Variants in TBXAS1 observed in about 807,000 individuals in gnomAD.
TBXAS1 encodes the protein thromboxane-A synthase.
In TBXAS1, 48 loss-of-function variants were observed where a neutral mutation model predicts 60.7. That is an observed-to-expected ratio of 0.79 (90% CI 0.63 to 1.01). The LOEUF (loss-of-function observed/expected upper bound fraction) is 1.01. Ranked by LOEUF, TBXAS1 falls within the 50% of genes least tolerant of loss-of-function variation. The probability of loss-of-function intolerance (pLI) is 0.00; values close to 1 mark genes in which losing one functional copy is unlikely to be tolerated. For missense variants in TBXAS1, 685 were observed against 686.3 expected (o/e 1.00, Z 0.02); for synonymous variants, 287 against 269.7 (o/e 1.06, Z -0.63).
chr7:139,996,544 C>A (rs1437710009), intron 9 of TBXAS1, among the ~76,000 whole-genome samples: 1 of 152,368 alleles, frequency 6.6e-6, no homozygotes, highest in East Asian at 1.9e-4. Context: ...AGCTGATCTC[C>A]TTCCCCTGGA....
At chr7:139,873,822 C>T (rs1802010468) in intron 2 of TBXAS1, among the ~76,000 whole-genome samples, 1 of 152,110 alleles carries the variant, frequency 6.6e-6, no homozygotes, top group African/African-American at 2.4e-5. Flanking sequence ...ACACTGACTC[C>T]AGACCCAACG....
chr7:139,966,331 A>T (rs1810783943), intron 9 of TBXAS1, among the ~76,000 whole-genome samples: 2 of 152,044 alleles, frequency 1.3e-5, no homozygotes, highest in South Asian at 4.1e-4. Flanking sequence ...ATCAGTTCAG[A>T]CTCTTCTGTG....
chr7:139,853,287 C>A (rs1293043025), intron 1 of TBXAS1, among the ~76,000 whole-genome samples: 1 of 152,164 alleles, frequency 6.6e-6, no homozygotes, highest in Non-Finnish European at 1.5e-5. Flanking sequence ...CTTTTCGCAT[C>A]CCCCGTCTTA....
intron 4 of TBXAS1, among the ~76,000 whole-genome samples, chr7:139,803,984 T>G (rs1585529093): frequency 6.6e-6 from 1 of 151,842 alleles, no homozygotes; most frequent in East Asian, 1.9e-4. Flanking sequence ...CCACATGGAG[T>G]CCCCTCTAGG....
chr7:139,923,164 AT>A (rs1242833055), intron 4 of TBXAS1, among the ~76,000 whole-genome samples: 3 of 151,572 alleles, frequency 2.0e-5, no homozygotes, highest in Non-Finnish European at 4.4e-5. Context: ...CTAAACAAAT[AT>A]ATATATATAT....
intron 8 of TBXAS1, among the ~76,000 whole-genome samples, chr7:139,959,240 G>T (rs896616492): frequency 3.9e-5 from 6 of 152,336 alleles, no homozygotes; most frequent in African/African-American, 1.4e-4. Flanking sequence ...GGACAGCCAT[G>T]TCAAGACAGA....
chr7:139,843,100 C>G (rs1799572149), intron 1 of TBXAS1, among the ~76,000 whole-genome samples: 1 of 152,186 alleles, frequency 6.6e-6, no homozygotes, highest in African/African-American at 2.4e-5. Context: ...TCCCTCCTTC[C>G]TGCACTGACA....
At chr7:140,019,340 G>A (rs751322729) in intron 12 of TBXAS1, among the ~76,000 whole-genome samples, 9 of 152,196 alleles carry the variant, frequency 5.9e-5, no homozygotes, top group Non-Finnish European at 8.8e-5. Context: ...GGGCTTCCAC[G>A]TGTGCGGGGC....
intron 4 of TBXAS1, among the ~76,000 whole-genome samples, chr7:139,804,829 G>T (rs186313132): frequency 6.6e-6 from 1 of 152,298 alleles, no homozygotes; most frequent in East Asian, 1.9e-4. Context: ...GAAACTGTGA[G>T]TCCATTAAAC....
intron 1 of TBXAS1, among the ~76,000 whole-genome samples, chr7:139,840,610 G>T (rs1224348179): frequency 6.6e-6 from 1 of 152,076 alleles, no homozygotes; most frequent in Non-Finnish European, 1.5e-5. Flanking sequence ...CGGATGCATT[G>T]GTAGCTGCAC....
Position 139,951,950 on chromosome 7 carries a change from AAAAGAAAGAAAGAAAGAAAG to A in TBXAS1, c.451-1374_451-1355del, listed in dbSNP as rs776126423. Among the ~76,000 whole-genome samples the A allele has an allele frequency of 2.4e-4, 10 of 42,006 alleles. 1 individual carries two copies. Among genetic ancestry groups the A allele is most frequent in the African/African-American group, 5.4e-4 (6 of 11,030 alleles). The allele number at this position is 42,006 out of a possible 152,430, so 27.6% of individuals were successfully genotyped here. A position where few individuals can be genotyped will look rare whatever the true frequency, so the allele number is the denominator to read the frequency against. On this transcript the variant is annotated intron_variant, in intron 5 of 12. Transcript: ENST00000448866. ...GAAAGAGAGAAAGAAGGAAAGAAAG[AAAAGAAAGAAAGAAAGAAAG>A]AAAGAAAGAAAGAAAGAAAGAAAGA...
chr7:139,981,365 G>A (rs1052540342), intron 9 of TBXAS1, among the ~76,000 whole-genome samples: 4 of 152,080 alleles, frequency 2.6e-5, no homozygotes, highest in Non-Finnish European at 5.9e-5. Flanking sequence ...ATCCGCCTGC[G>A]TCGGCCTCCC....
At chr7:139,928,518 A>G (rs997368770) in intron 4 of TBXAS1, among the ~76,000 whole-genome samples, 1 of 152,224 alleles carries the variant, frequency 6.6e-6, no homozygotes, top group Non-Finnish European at 1.5e-5. Context: ...GACTCTGTGC[A>G]CATTAACTAT....
In TBXAS1 at chr7:139,975,855, A is replaced by C. The variant is rs1811527382; in HGVS notation, c.1134+13622A>C. Among the ~76,000 whole-genome samples the C allele has an allele frequency of 6.6e-6, 1 of 152,282 alleles. No individual in the cohort carries two copies. Among genetic ancestry groups the C allele is most frequent in the Non-Finnish European group, 1.5e-5 (1 of 68,024 alleles). On this transcript the variant is annotated intron_variant, in intron 9 of 12. Coordinates refer to ENST00000448866, the MANE Select transcript of TBXAS1 (RefSeq NM_001061.7). This position sits in a 1 kb window ranked among gnomAD's most constrained non-coding sequence, Gnocchi z 4.4. ...GAGTGCATGGGCAGCTTCTCCCCTG[A>C]CATCCCTACCTCCCTGACGCTTAAC...
intron 1 of TBXAS1, among the ~76,000 whole-genome samples, chr7:139,863,214 T>C (rs1378532531): frequency 6.6e-6 from 1 of 152,234 alleles, no homozygotes; most frequent in African/African-American, 2.4e-5. Context: ...AACTCTTGTA[T>C]GTCAATATAC....
intron 9 of TBXAS1, among the ~76,000 whole-genome samples, chr7:140,006,394 C>T (rs1424587025): frequency 6.6e-6 from 1 of 152,172 alleles, no homozygotes; most frequent in Non-Finnish European, 1.5e-5. Flanking sequence ...AGGATCCCCA[C>T]ATTTGCACCC....
intron 3 of TBXAS1, among the ~76,000 whole-genome samples, chr7:139,877,935 A>G (rs1237018460): frequency 6.6e-6 from 1 of 152,180 alleles, no homozygotes; most frequent in Admixed American, 6.5e-5. Flanking sequence ...TCAGAATGAC[A>G]GTGCCTTCAC....
intron 4 of TBXAS1, among the ~76,000 whole-genome samples, chr7:139,808,861 A>C (rs986725817): frequency 6.6e-6 from 1 of 151,914 alleles, no homozygotes; most frequent in African/African-American, 2.4e-5. Flanking sequence ...GTGAATTATG[A>C]TTTAAAGAAT....
chr7:139,958,137 T>C (rs1488013581), intron 8 of TBXAS1, among the ~76,000 whole-genome samples: 1 of 152,116 alleles, frequency 6.6e-6, no homozygotes, highest in Non-Finnish European at 1.5e-5. Flanking sequence ...AGCATATTCT[T>C]TATATTGAAA....
Sources: allele counts gnomAD v4.1 joint callset (sites outside exome capture counted in the v4.1 genomes callset), GRCh38; gene constraint gnomAD v4.1.1; non-coding constraint Gnocchi (gnomAD v3.1); transcripts MANE v1.5; gene names NCBI Gene and HGNC (gene_info 2026-07-23, HGNC 2026-07-21).